SLC35A5: variants seen among roughly 807,000 people sequenced by gnomAD.
The protein encoded by SLC35A5 is solute carrier family 35 member A5, also known as UDP-sugar transporter protein SLC35A5.
Under a neutral mutation model 36.3 loss-of-function variants are expected in SLC35A5, and 28 were observed. The observed-to-expected ratio is 0.77, with a 90% CI of 0.57 to 1.06. The LOEUF is 1.06. SLC35A5 is among the 50% of genes least tolerant of loss of function. The probability of loss-of-function intolerance (pLI) is 0.00; values close to 1 mark genes in which losing one functional copy is unlikely to be tolerated. For synonymous variants in SLC35A5, 180 were observed against 173.7 expected (o/e 1.04, Z -0.29); for missense variants, 521 against 499.3 (o/e 1.04, Z -0.41).
intron 5 of SLC35A5, among the ~76,000 whole-genome samples, chr3:112,580,176 T>C (rs1372220487): frequency 6.6e-6 from 1 of 152,218 alleles, no homozygotes; most frequent in Non-Finnish European, 1.5e-5. Context: ...ACATTCTTTC[T>C]GGTTCTGGGA....
At chr3:112,571,207 A>G (rs72940095) in intron 4 of SLC35A5, among the ~76,000 whole-genome samples, 10 of 152,324 alleles carry the variant, frequency 6.6e-5, no homozygotes, top group Non-Finnish European at 1.3e-4. Flanking sequence ...TCTATAACTG[A>G]TAATGCTGGA....
intron 5 of SLC35A5, among the ~76,000 whole-genome samples, chr3:112,575,854 T>C (rs74457854): frequency 0.016 from 2,409 of 150,344 alleles, 55 homozygotes; most frequent in African/African-American, 0.052. Context: ...CCTCTTCCCG[T>C]CTTCAAGCAA....
At chr3:112,561,850 C>T (rs533438604), upstream of SLC35A5, 307 of 359,328 alleles carry the variant, frequency 8.5e-4, no homozygotes, top group Admixed American at 1.2e-3. Context: ...ACGCACCCCT[C>T]GCCCTCTGCG....
intron 4 of SLC35A5, among the ~76,000 whole-genome samples, chr3:112,572,687 C>T (rs550735022): frequency 1.3e-5 from 2 of 152,182 alleles, no homozygotes; most frequent in Non-Finnish European, 2.9e-5. Context: ...CTGTGTATTG[C>T]TGTGCCTGAG....
intron 5 of SLC35A5, among the ~76,000 whole-genome samples, chr3:112,575,281 G>T (rs1934616261): frequency 6.6e-6 from 1 of 151,832 alleles, no homozygotes; most frequent in Non-Finnish European, 1.5e-5. Context: ...GAGTACAGAT[G>T]GTATTATACT....
At chr3:112,571,719 C>A (rs1357168589) in intron 4 of SLC35A5, among the ~76,000 whole-genome samples, 2 of 152,096 alleles carry the variant, frequency 1.3e-5, no homozygotes, top group Non-Finnish European at 2.9e-5. Flanking sequence ...TGCTGGGGAA[C>A]TCTCATTTAT....
intron 5 of SLC35A5, among the ~76,000 whole-genome samples, chr3:112,578,076 T>C (rs1934746411): frequency 6.6e-6 from 1 of 152,196 alleles, no homozygotes; most frequent in East Asian, 1.9e-4. Flanking sequence ...ATAGAAAATA[T>C]CTAAACAATT....
upstream of SLC35A5, chr3:112,561,626 G>C (rs1214478553): frequency 1.6e-6 from 2 of 1,257,904 alleles, no homozygotes; most frequent in South Asian, 1.3e-5. Flanking sequence ...CCACCGACTC[G>C]CATCAGCACC....
chr3:112,568,831 C>T (rs562461914), intron 2 of SLC35A5, among the ~76,000 whole-genome samples: 102 of 152,196 alleles, frequency 6.7e-4, no homozygotes, highest in Non-Finnish European at 1.0e-3. Flanking sequence ...TTGCATGAGT[C>T]GGTGTTGATT....
intron 5 of SLC35A5, among the ~76,000 whole-genome samples, chr3:112,576,375 T>G (rs1934679274): frequency 7.6e-6 from 1 of 131,560 alleles, no homozygotes; most frequent in Non-Finnish European, 1.6e-5. Flanking sequence ...TCCACCTGCC[T>G]TGGCCTCTCA....
At position 112,581,184 on chromosome 3, in the gene SLC35A5, C is replaced by T. The variant is rs1309672324; in HGVS notation, c.1067C>T (p.Ser356Phe). The part of the protein sequence containing the change: ...VSVLVFDFRP[S>F]LEFFLEAPSV... ...GTCCTGGTCTTTGACTTCAGGCCCTCCCTGGAATTTTTCTTGGAAGCCCCA... is the reference window on the plus strand; with the variant it reads ...GTCCTGGTCTTTGACTTCAGGCCCTTCCTGGAATTTTTCTTGGAAGCCCCA... The change falls in exon 6 of 7, where the codon TCC becomes TTC. Residue 356 changes from serine (S) to phenylalanine (F), a missense_variant. By Grantham distance (155) the Ser-to-Phe change is radical (BLOSUM62 -2). Coordinates refer to ENST00000492406, the MANE Select transcript of SLC35A5 (RefSeq NM_017945.5). 6.2e-7 allele frequency: 1 copy of T among 1,613,950 alleles called. No individual in the cohort carries two copies. The highest frequency in any genetic ancestry group is 2.2e-5 in the East Asian group (1 of 44,856).
chr3:112,576,045 C>G (rs953150060), intron 5 of SLC35A5, among the ~76,000 whole-genome samples: 5 of 151,960 alleles, frequency 3.3e-5, no homozygotes, highest in African/African-American at 1.2e-4. Context: ...CAGGTGTGAG[C>G]CACTACGCCT....
rs1422623353 is a variant in SLC35A5 at position 112,584,171 on chromosome 3, A to T, written c.*1435A>T. 6.6e-6 allele frequency: 1 copy of T among 152,164 alleles called. No homozygotes were observed. Among genetic ancestry groups the T allele is most frequent in the African/African-American group, 2.4e-5 (1 of 41,438 alleles). The allele number at this position is 152,164 out of a possible 1,614,324, so 9.4% of individuals were successfully genotyped here. A position where few individuals can be genotyped will look rare whatever the true frequency, so the allele number is the denominator to read the frequency against. ...TATTAAACCTATGTCTTGTGTTGCCACTCTGTCATTTAGGGTGGGATGTAG... is the reference window on the plus strand; with the variant it reads ...TATTAAACCTATGTCTTGTGTTGCCTCTCTGTCATTTAGGGTGGGATGTAG... On this transcript the variant is annotated 3_prime_UTR_variant, in exon 7 of 7. Transcript: ENST00000492406.
chr3:112,561,338 G>C (rs1933867273), upstream of SLC35A5: 6 of 1,020,780 alleles, frequency 5.9e-6, no homozygotes, highest in Non-Finnish European at 6.0e-6. Context: ...CCTGTGTCTC[G>C]AGCCCTACTG....
chr3:112,561,544 G>C (rs1157437637), upstream of SLC35A5: 1 of 1,603,510 alleles, frequency 6.2e-7, no homozygotes, highest in Admixed American at 1.7e-5. Flanking sequence ...GGCCGGAGTA[G>C]CGGCCGGCCC....
intron 2 of SLC35A5, among the ~76,000 whole-genome samples, chr3:112,565,287 A>G (rs972206314): frequency 9.9e-5 from 15 of 152,200 alleles, no homozygotes; most frequent in African/African-American, 3.6e-4. Context: ...AAAGTTATAT[A>G]TTCTGTTTGG....
intron 2 of SLC35A5, among the ~76,000 whole-genome samples, chr3:112,566,046 G>A (rs985577698): frequency 4.6e-5 from 7 of 152,202 alleles, no homozygotes; most frequent in African/African-American, 1.7e-4. Flanking sequence ...AGCCATAGGT[G>A]ATGAAGACTA....
In SLC35A5 at chr3:112,581,269, A is replaced by G. The variant is rs759601416; in HGVS notation, c.1152A>G (p.Ala384=). The G allele has an allele frequency of 1.2e-6, 2 of 1,613,632 alleles. No homozygotes were observed. The highest frequency in any genetic ancestry group is 1.1e-5 in the South Asian group (1 of 91,036). The change falls in exon 6 of 7, where the codon GCA becomes GCG. Residue 384 remains alanine (A), a synonymous_variant. Transcript: ENST00000492406. ...GCAAGCCTCAAGTTCCGGAATACGCACCTAGGCAAGAAAGGATCCGAGATC... is the reference window on the plus strand; with the variant it reads ...GCAAGCCTCAAGTTCCGGAATACGCGCCTAGGCAAGAAAGGATCCGAGATC... The part of the protein sequence containing the change: ...NASKPQVPEY[A]PRQERIRDLS...
Position 112,563,414 on chromosome 3 carries a change from A to T in SLC35A5, c.11A>T (p.Gln4Leu). MEK[Q>L]CCSHPVICSL... ...TTAAAAAACAGTGGAATGGAAAAAC[A>T]GTGCTGTAGTCATCCTGTAATATGC... is the stretch of plus-strand genomic sequence containing the variant. The change falls in exon 2 of 7, where the codon CAG (glutamine) becomes CTG (leucine). Residue 4 changes from glutamine (Q) to leucine (L), a missense_variant. Transcript: ENST00000492406. 6.6e-7 allele frequency: 1 copy of T among 1,521,080 alleles called. No individual in the cohort carries two copies. Among genetic ancestry groups the T allele is most frequent in the Admixed American group, 1.8e-5 (1 of 54,330 alleles). 94.2% of individuals were successfully genotyped at this position (1,521,080 alleles called of 1,614,324 possible). A position where few individuals can be genotyped will look rare whatever the true frequency, so the allele number is the denominator to read the frequency against.
Sources: allele counts gnomAD v4.1 joint callset (sites outside exome capture counted in the v4.1 genomes callset), GRCh38; gene constraint gnomAD v4.1.1; transcripts MANE v1.5; gene names NCBI Gene and HGNC (gene_info 2026-07-23, HGNC 2026-07-21).